Variants in RABGAP1 observed in about 807,000 individuals in gnomAD.
The protein encoded by RABGAP1 is rab GTPase-activating protein 1.
A neutral mutation model predicts 137.6 loss-of-function variants in RABGAP1; 23 were observed. The ratio of observed to expected loss-of-function variants is 0.17; its 90% CI spans 0.12 to 0.24. The LOEUF (loss-of-function observed/expected upper bound fraction) is 0.24. RABGAP1 is among the 10% of genes least tolerant of loss of function. The pLI is 1.00. For synonymous variants in RABGAP1, 451 were observed against 450.7 expected (o/e 1.00, Z -0.01); for missense variants, 906 against 1,275.8 (o/e 0.71, Z 4.42).
intron 2 of RABGAP1, among the ~76,000 whole-genome samples, chr9:122,979,217 G>GTA (rs1835926517): frequency 6.6e-6 from 1 of 152,110 alleles, no homozygotes; most frequent in Admixed American, 6.6e-5. Context: ...TCTTATAAGG[G>GTA]TATAGAGGCA....
intron 13 of RABGAP1, among the ~76,000 whole-genome samples, chr9:123,024,823 A>C (rs2031862247): frequency 6.6e-6 from 1 of 152,192 alleles, no homozygotes; most frequent in African/African-American, 2.4e-5. Flanking sequence ...ACATTTATCT[A>C]TGAAGTCTTT....
rs2035412528 is a variant in RABGAP1, at chr9:123,103,623, A to ATATATATATATATATG, written c.*424_*425insTGTATATATATATATA. The ATATATATATATATATG allele has an allele frequency of 2.2e-5, 2 of 90,878 alleles. No individual in the cohort carries two copies. Among genetic ancestry groups the ATATATATATATATATG allele is most frequent in the Non-Finnish European group, 2.0e-5 (1 of 49,416 alleles). 5.6% of individuals were successfully genotyped at this position (90,878 alleles called of 1,614,324 possible). A position where few individuals can be genotyped will look rare whatever the true frequency, so the allele number is the denominator to read the frequency against. Reference sequence around the variant, plus strand: ...TATATATATATATATATATATATATATATATATATATATAGTGGGGGTGGG... The same window carrying ATATATATATATATATG: ...TATATATATATATATATATATATATATATATATATATATATGTATATATATATATAGTGGGGGTGGG... On this transcript the variant is annotated 3_prime_UTR_variant, in exon 26 of 26. Coordinates refer to ENST00000373647, the MANE Select transcript of RABGAP1 (RefSeq NM_012197.4).
intron 12 of RABGAP1, among the ~76,000 whole-genome samples, chr9:123,018,080 G>GC (rs2031363046): frequency 6.6e-6 from 1 of 152,050 alleles, no homozygotes; most frequent in Non-Finnish European, 1.5e-5. Flanking sequence ...TGCAGGCTCT[G>GC]CCCCCCGGGG....
At chr9:122,932,334 T>C in the RABGAP1 span, among the ~76,000 whole-genome samples, 4 of 152,144 alleles carry the variant, frequency 2.6e-5, no homozygotes, top group Non-Finnish European at 4.4e-5. Context: ...TGATCCACCC[T>C]CCTCAGCCTC....
chr9:123,085,295 G>A (rs1305586466), intron 19 of RABGAP1, among the ~76,000 whole-genome samples: 2 of 152,190 alleles, frequency 1.3e-5, no homozygotes, highest in Non-Finnish European at 2.9e-5. Flanking sequence ...TATGTAGAAT[G>A]TTTTGATTGT....
chr9:123,015,539 A>G lies in RABGAP1; in HGVS notation c.1550-4A>G, dbSNP rs753494635. On this transcript the variant is annotated splice_region_variant and splice_polypyrimidine_tract_variant and intron_variant, in intron 11 of 25. Transcript: ENST00000373647. The stretch of plus-strand genomic sequence containing the variant: ...ACCGTTTTTGTGTGTTTTGTTTATT[A>G]TAGATAATGATGAACCTCTCCTGAG... The G allele has an allele frequency of 1.9e-6, 3 of 1,592,500 alleles. No individual in the cohort carries two copies. The highest frequency in any genetic ancestry group is 1.1e-5 in the South Asian group (1 of 89,096).
intron 13 of RABGAP1, chr9:123,034,256 G>A (rs1019988249): frequency 2.5e-6 from 1 of 399,620 alleles, no homozygotes; most frequent in African/African-American, 2.1e-5. Context: ...ACCCTCACTT[G>A]GCCTGAAGAC....
the RABGAP1 span, among the ~76,000 whole-genome samples, chr9:122,933,462 A>G: frequency 1.3e-5 from 2 of 149,246 alleles, no homozygotes; most frequent in African/African-American, 2.5e-5. Context: ...TATTATTATT[A>G]TTATTATTTG....
intron 10 of RABGAP1, among the ~76,000 whole-genome samples, chr9:123,010,064 A>G (rs1336552594): frequency 2.6e-5 from 4 of 152,198 alleles, no homozygotes; most frequent in African/African-American, 7.2e-5. Flanking sequence ...ATACTTGACA[A>G]TATGGTTTGA....
chr9:122,982,916 C>T (rs111624920), intron 2 of RABGAP1, among the ~76,000 whole-genome samples: 6 of 152,104 alleles, frequency 3.9e-5, no homozygotes. Context: ...ATCACCCAGG[C>T]TGGAGTGCAG....
chr9:123,044,624 T>C (rs887975621), intron 13 of RABGAP1, among the ~76,000 whole-genome samples: 1 of 96,100 alleles, frequency 1.0e-5, no homozygotes, highest in East Asian at 2.2e-4. Flanking sequence ...AAAACACACG[T>C]ACGTGTGTGT....
intron 1 of RABGAP1, among the ~76,000 whole-genome samples, chr9:122,941,433 C>T (rs1185773865): frequency 6.6e-6 from 1 of 152,254 alleles, no homozygotes; most frequent in Admixed American, 6.5e-5. Flanking sequence ...TGTGTCTTGA[C>T]TTTAATGTTT....
intron 21 of RABGAP1, among the ~76,000 whole-genome samples, chr9:123,095,251 A>T (rs1012881285): frequency 1.6e-5 from 2 of 125,160 alleles, no homozygotes; most frequent in African/African-American, 5.5e-5. Context: ...AAAAAAAAAA[A>T]GCCAGCTTTT....
At chr9:122,956,387 T>G (rs1834518754) in intron 1 of RABGAP1, among the ~76,000 whole-genome samples, 1 of 152,214 alleles carries the variant, frequency 6.6e-6, no homozygotes, top group African/African-American at 2.4e-5. Context: ...TTCATTTACA[T>G]GTACAACTTT....
intron 9 of RABGAP1, 89 bp from the exon 10 acceptor site, chr9:122,998,508 A>C (rs1352900527): frequency 3.6e-6 from 4 of 1,108,390 alleles, no homozygotes; most frequent in Non-Finnish European, 5.1e-6. Context: ...GAAAGTTTAT[A>C]ATAAAAGTAA....
At chr9:123,058,969 G>A (rs529231235) in intron 13 of RABGAP1, among the ~76,000 whole-genome samples, 2 of 152,236 alleles carry the variant, frequency 1.3e-5, no homozygotes, top group Admixed American at 1.3e-4. Flanking sequence ...AAATGTCCTG[G>A]GTGCCTTTGT....
Position 123,076,223 on chromosome 9 carries a change from CTT to C in RABGAP1, c.2254-18_2254-17del. ...TCGAGATATAAAAACTGACAGTGTT[CTT>C]TTTGTCTGTTCTCTTTCAGGGAATA... On this transcript the variant is annotated intron_variant, in intron 17 of 25. Coordinates refer to ENST00000373647, the MANE Select transcript of RABGAP1 (RefSeq NM_012197.4). The C allele has an allele frequency of 1.2e-6, 2 of 1,605,602 alleles. No homozygotes were observed. The highest frequency in any genetic ancestry group is 1.7e-6 in the Non-Finnish European group (2 of 1,174,620).
chr9:123,028,858 G>T lies in RABGAP1; in HGVS notation c.1794+8399G>T, dbSNP rs575966983. 8.5e-4 allele frequency among the ~76,000 whole-genome samples: 129 copies of T among 152,278 alleles called. 1 individual carries two copies. Among genetic ancestry groups the T allele is most frequent in the Non-Finnish European group, 9.1e-4 (62 of 68,028 alleles). On this transcript the variant is annotated intron_variant, in intron 13 of 25. Transcript: ENST00000373647. ...TTCATACGCTTTGGTTTCCTTATCT[G>T]TAAAATGGAATAATAATAGTTGTAG...
At chr9:122,960,697 C>G (rs757982230) in intron 2 of RABGAP1, among the ~76,000 whole-genome samples, 2 of 152,132 alleles carry the variant, frequency 1.3e-5, no homozygotes, top group Non-Finnish European at 2.9e-5. Context: ...GTGAGAGTGA[C>G]TGGTTGAGTT....
Sources: allele counts gnomAD v4.1 joint callset (sites outside exome capture counted in the v4.1 genomes callset), GRCh38; gene constraint gnomAD v4.1.1; transcripts MANE v1.5; gene names NCBI Gene and HGNC (gene_info 2026-07-23, HGNC 2026-07-21).